The following RBM38 variants were observed in gnomAD, a reference collection of about 807,000 sequenced individuals.
The protein encoded by RBM38 is RNA binding motif protein 38, also known as RNA-binding protein 38.
In RBM38, 11 loss-of-function variants were observed where a neutral mutation model predicts 23.5. The ratio of observed to expected loss-of-function variants is 0.47; its 90% CI spans 0.29 to 0.77. The LOEUF (loss-of-function observed/expected upper bound fraction) is 0.77. Ranked by LOEUF, RBM38 falls within the 30% of genes least tolerant of loss-of-function variation. The pLI is 0.08. For synonymous variants in RBM38, 165 were observed against 166.1 expected, an observed-to-expected ratio of 0.99 and a Z score of 0.05; for missense variants, 330 against 351.9, an observed-to-expected ratio of 0.94 and a Z score of 0.50.
chr20:57,393,421 A>C (rs1568805632), intron 3 of RBM38, 88 bp downstream of exon 3: 1 of 1,369,836 alleles, frequency 7.3e-7, no homozygotes, highest in Non-Finnish European at 1.0e-6. Flanking sequence ...AAGGCTGGGG[A>C]AATGACAGTT....
chr20:57,395,299 G>C (rs988356162), intron 3 of RBM38, among the ~76,000 whole-genome samples: 1 of 152,102 alleles, frequency 6.6e-6, no homozygotes, highest in Non-Finnish European at 1.5e-5. Flanking sequence ...GAACACAGGT[G>C]GTGGGTGCCT....
intron 2 of RBM38, 145 bp downstream of exon 2, chr20:57,392,922 T>C: frequency 2.7e-6 from 3 of 1,123,724 alleles, no homozygotes; most frequent in Non-Finnish European, 3.8e-6. Context: ...AGGGCAGCCA[T>C]CCCCCCCTCG....
chr20:57,399,877 G>A (rs1054402003), intron 3 of RBM38: 36 of 456,224 alleles, frequency 7.9e-5, no homozygotes, highest in Non-Finnish European at 1.4e-4. Flanking sequence ...GGCCCCTGGA[G>A]AGCAGGGAAA....
chr20:57,402,438 G>A (rs533228454), intron 3 of RBM38, among the ~76,000 whole-genome samples: 1 of 152,340 alleles, frequency 6.6e-6, no homozygotes, highest in East Asian at 1.9e-4. Flanking sequence ...GGGGTGAGTG[G>A]GCAGGGCAGT....
chr20:57,404,468 C>CG (rs1161399914), intron 3 of RBM38, among the ~76,000 whole-genome samples: 2 of 151,804 alleles, frequency 1.3e-5, no homozygotes, highest in Non-Finnish European at 2.9e-5. Context: ...AGAGCTGGGT[C>CG]GGGGGGGCAC....
chr20:57,399,338 G>C (rs1161429330), intron 3 of RBM38, among the ~76,000 whole-genome samples: 2 of 152,208 alleles, frequency 1.3e-5, no homozygotes, highest in African/African-American at 4.8e-5. Flanking sequence ...AGCCTGGACT[G>C]CCGAGGGTAT....
intron 1 of RBM38, chr20:57,392,351 G>GC (rs781284537): frequency 3.0e-5 from 41 of 1,360,980 alleles, no homozygotes; most frequent in Non-Finnish European, 3.9e-5. Flanking sequence ...AGTCCAGGCG[G>GC]CCCCCCAAGC....
intron 1 of RBM38, 34 bp from the exon 2 acceptor site, chr20:57,392,620 C>G (rs902216764): frequency 6.3e-7 from 1 of 1,592,462 alleles, no homozygotes; most frequent in South Asian, 1.1e-5. Flanking sequence ...TGGTTCCCCC[C>G]ACGGCAGCCC....
chr20:57,407,633 CA>C lies in RBM38; in HGVS notation c.508del (p.Ile170LeufsTer93). 6.2e-7 allele frequency: 1 copy of C among 1,613,520 alleles called. No individual in the cohort carries two copies. The highest frequency in any genetic ancestry group is 1.3e-5 in the African/African-American group (1 of 75,064). ...CTGTCCCGTCGCTGTCCTCGCCCTA[CA>C]TTGAGTACACGCCGGCCAGCCCGGC... is the stretch of plus-strand genomic sequence containing the variant. ...APVPSLSSPY[I>X]EYTPASPAYA... On this transcript the variant is annotated frameshift_variant, in exon 4 of 4. Coordinates refer to ENST00000356208, the MANE Select transcript of RBM38 (RefSeq NM_017495.6). LOFTEE classifies it high-confidence loss of function. The surrounding 1 kb of genome is among the most constrained non-coding windows in gnomAD (Gnocchi z 4.0).
At chr20:57,393,946 C>T (rs151050959) in intron 3 of RBM38, among the ~76,000 whole-genome samples, 1 of 152,212 alleles carries the variant, frequency 6.6e-6, no homozygotes, top group African/African-American at 2.4e-5. Flanking sequence ...ACCTCCCTGC[C>T]CTTTTTTAAA....
intron 3 of RBM38, among the ~76,000 whole-genome samples, chr20:57,398,895 T>C (rs538185824): frequency 2.0e-4 from 30 of 152,230 alleles, no homozygotes; most frequent in Non-Finnish European, 3.7e-4. Flanking sequence ...AACTCTGCAG[T>C]GTGCTTGCGG....
chr20:57,392,071 G>A (rs1382550678), intron 1 of RBM38, among the ~76,000 whole-genome samples: 1 of 128,228 alleles, frequency 7.8e-6, no homozygotes, highest in Non-Finnish European at 1.6e-5. Context: ...GAGCCGCTGT[G>A]TTCAATTAGG....
intron 3 of RBM38, among the ~76,000 whole-genome samples, chr20:57,406,119 C>T (rs1217840647): frequency 6.6e-6 from 1 of 152,312 alleles, no homozygotes; most frequent in Admixed American, 6.5e-5. Context: ...CAGTGCCGTG[C>T]CCTGGAAGAC....
At chr20:57,401,524 C>T (rs921968084) in intron 3 of RBM38, among the ~76,000 whole-genome samples, 4 of 152,252 alleles carry the variant, frequency 2.6e-5, no homozygotes, top group Non-Finnish European at 4.4e-5. Flanking sequence ...CCTGCAAAGC[C>T]GGGGCCTGCC....
At chr20:57,392,389 C>T (rs1022408497) in intron 1 of RBM38, 2 of 1,507,672 alleles carry the variant, frequency 1.3e-6, no homozygotes, top group Non-Finnish European at 1.8e-6. Context: ...TTTGCCCTAT[C>T]CCCGCAGGGG....
At chr20:57,399,122 G>A (rs949672821) in intron 3 of RBM38, among the ~76,000 whole-genome samples, 3 of 152,314 alleles carry the variant, frequency 2.0e-5, no homozygotes, top group Admixed American at 6.5e-5. Flanking sequence ...CTCAGAAGGC[G>A]ACAGGAGCTG....
chr20:57,404,582 C>G (rs1427952067), intron 3 of RBM38, among the ~76,000 whole-genome samples: 1 of 152,248 alleles, frequency 6.6e-6, no homozygotes, highest in African/African-American at 2.4e-5. Flanking sequence ...CTTCTGGGGC[C>G]CCCTGCCTCC....
rs563686298 is a variant in RBM38 at position 57,399,243 on chromosome 20, G to A, written c.416+5910G>A. ...CTGCTACATTCCTCCAAGTGACACC[G>A]GACCACGCAGGCTCCGAGCGGAGGA... On this transcript the variant is annotated intron_variant, in intron 3 of 3. Transcript: ENST00000356208. Among the ~76,000 whole-genome samples, 19 of 152,276 alleles carry A rather than the reference G, an allele frequency of 1.2e-4. 1 individual carries two copies. In the South Asian group the frequency reaches 3.1e-3, roughly 25 times the overall value.
intron 2 of RBM38, 106 bp downstream of exon 2, chr20:57,392,883 C>T (rs2067235302): frequency 2.0e-6 from 3 of 1,464,246 alleles, no homozygotes; most frequent in Non-Finnish European, 2.8e-6. Flanking sequence ...CAGTGGCAGT[C>T]GGCTATCATG....
Sources: gnomAD v4.1 joint callset for allele counts (sites outside exome capture counted in the v4.1 genomes callset) on GRCh38, gnomAD v4.1.1 for gene constraint, Gnocchi (gnomAD v3.1) non-coding constraint, MANE v1.5 for transcripts, NCBI Gene and HGNC (gene_info 2026-07-23, HGNC 2026-07-21) for gene names.